Variants in CFAP299 observed in about 807,000 individuals in gnomAD.
CFAP299 encodes cilia- and flagella-associated protein 299.
A neutral mutation model predicts 27.0 loss-of-function variants in CFAP299; 21 were observed. That is an observed-to-expected ratio of 0.78 (90% CI 0.55 to 1.12). The LOEUF (loss-of-function observed/expected upper bound fraction) is 1.12, where lower values mean the gene tolerates loss of function less well. Among genes scored for constraint, CFAP299 ranks in the 50% most tolerant of loss-of-function variants. The probability of loss-of-function intolerance (pLI) is 0.00; values close to 1 mark genes in which losing one functional copy is unlikely to be tolerated. For missense variants in CFAP299, 310 were observed against 276.6 expected (o/e 1.12, Z -0.86); for synonymous variants, 104 against 98.1 (o/e 1.06, Z -0.36).
At position 80,568,417 on chromosome 4, in the gene CFAP299, A is replaced by G. The variant is rs1735418319; in HGVS notation, c.243-14676A>G. On this transcript the variant is annotated intron_variant, in intron 2 of 5. Transcript: ENST00000358105. ...ATTAATCCTAGAAAAATCGCAACCA[A>G]AGTTTTGTAAATTTAATCAATTTTC... is the stretch of plus-strand genomic sequence containing the variant. Among the ~76,000 whole-genome samples the G allele has an allele frequency of 2.0e-5, 3 of 152,058 alleles. No individual in the cohort carries two copies. The South Asian group carries it at 6.2e-4, about 31-fold the overall frequency.
intron 2 of CFAP299, among the ~76,000 whole-genome samples, chr4:80,548,551 TA>T (rs1425241081): frequency 7.9e-5 from 12 of 152,272 alleles, no homozygotes; most frequent in Admixed American, 7.2e-4. Flanking sequence ...GAACCCATTA[TA>T]AAACATGAGA....
intron 2 of CFAP299, among the ~76,000 whole-genome samples, chr4:80,405,572 AAG>A (rs1222168975): frequency 6.6e-6 from 1 of 152,104 alleles, no homozygotes; most frequent in Non-Finnish European, 1.5e-5. Context: ...AAATAAGGAA[AAG>A]AGCAAAAACA....
intron 5 of CFAP299, among the ~76,000 whole-genome samples, chr4:80,952,302 A>T (rs985162158): frequency 5.3e-5 from 8 of 152,202 alleles, no homozygotes; most frequent in Admixed American, 5.2e-4. Flanking sequence ...TTCTTAAAAA[A>T]AATTGAGGTT....
intron 3 of CFAP299, among the ~76,000 whole-genome samples, chr4:80,637,887 A>G (rs2109955157): frequency 6.6e-6 from 1 of 152,350 alleles, no homozygotes; most frequent in East Asian, 1.9e-4. Flanking sequence ...TAAAGTCAGT[A>G]CAATCTCTGT....
intron 5 of CFAP299, among the ~76,000 whole-genome samples, chr4:80,956,237 G>A (rs1420677877): frequency 6.6e-6 from 1 of 152,070 alleles, no homozygotes; most frequent in Non-Finnish European, 1.5e-5. Flanking sequence ...AAATTGCTTT[G>A]CAGTTAGACC....
chr4:80,408,861 G>GT (rs1726566394), intron 2 of CFAP299, among the ~76,000 whole-genome samples: 1 of 150,940 alleles, frequency 6.6e-6, no homozygotes, highest in Non-Finnish European at 1.5e-5. Flanking sequence ...TCATTGTAAC[G>GT]TTTTTATTTT....
At chr4:80,663,148 A>T (rs896941033) in intron 3 of CFAP299, among the ~76,000 whole-genome samples, 70 of 151,854 alleles carry the variant, frequency 4.6e-4, no homozygotes, top group African/African-American at 1.6e-3. Context: ...TTATTTCTTA[A>T]TTATAATTTA....
chr4:80,445,461 G>A (rs940212487), intron 2 of CFAP299, among the ~76,000 whole-genome samples: 2 of 152,138 alleles, frequency 1.3e-5, no homozygotes, highest in Non-Finnish European at 2.9e-5. Context: ...ACTTATAAGT[G>A]GGAGTTGAAC....
intron 3 of CFAP299, chr4:80,648,974 GAGAT>G (rs1740160338): frequency 6.6e-6 from 1 of 152,146 alleles, no homozygotes; most frequent in Admixed American, 6.6e-5. Context: ...TGACACCAAG[GAGAT>G]AGATGGATGG....
chr4:80,692,126 A>G (rs1444688537), intron 3 of CFAP299, among the ~76,000 whole-genome samples: 1 of 152,200 alleles, frequency 6.6e-6, no homozygotes. Flanking sequence ...TGCCCAAGAT[A>G]ATTTACAGAT....
chr4:80,489,493 C>A (rs1185705321), intron 2 of CFAP299, among the ~76,000 whole-genome samples: 1 of 152,110 alleles, frequency 6.6e-6, no homozygotes, highest in African/African-American at 2.4e-5. Flanking sequence ...ACAACAAATG[C>A]AAATTTAGAA....
intron 2 of CFAP299, among the ~76,000 whole-genome samples, chr4:80,403,208 A>T (rs1348938705): frequency 6.6e-6 from 1 of 152,186 alleles, no homozygotes; most frequent in Admixed American, 6.5e-5. Flanking sequence ...TTTCTCTGTG[A>T]TTTCAAAATG....
chr4:80,607,870 A>C (rs1363994789), intron 3 of CFAP299, among the ~76,000 whole-genome samples: 1 of 152,170 alleles, frequency 6.6e-6, no homozygotes, highest in African/African-American at 2.4e-5. Flanking sequence ...TGGGAATAGA[A>C]ATGTAATTAT....
At chr4:80,438,233 A>G (rs1052501671) in intron 2 of CFAP299, among the ~76,000 whole-genome samples, 1 of 152,192 alleles carries the variant, frequency 6.6e-6, no homozygotes, top group Non-Finnish European at 1.5e-5. Context: ...ACATTTGAAT[A>G]AAAACGTGAA....
At position 80,802,969 on chromosome 4, in the gene CFAP299, C is replaced by T. The variant is rs181083042; in HGVS notation, c.334-67024C>T. 3.9e-3 allele frequency among the ~76,000 whole-genome samples: 595 copies of T among 152,034 alleles called. 1 individual carries two copies. Among genetic ancestry groups the T allele is most frequent in the African/African-American group, 0.013 (556 of 41,492 alleles). On this transcript the variant is annotated intron_variant, in intron 3 of 5. Transcript: ENST00000358105. The stretch of plus-strand genomic sequence containing the variant: ...AAGTCAGGGAAGCTCATATAAATGA[C>T]GTACTTTCAAAAGTAGGGTTAAACA...
At chr4:80,906,201 A>G (rs1033002316) in intron 4 of CFAP299, among the ~76,000 whole-genome samples, 4 of 152,226 alleles carry the variant, frequency 2.6e-5, no homozygotes, top group African/African-American at 7.2e-5. Flanking sequence ...CCAATAGGGC[A>G]GTCATTAAAA....
At chr4:80,563,586 T>C (rs1483819075) in intron 2 of CFAP299, among the ~76,000 whole-genome samples, 1 of 150,992 alleles carries the variant, frequency 6.6e-6, no homozygotes, top group Admixed American at 6.6e-5. Flanking sequence ...AGTGCCTACA[T>C]AACAAAAGAG....
intron 3 of CFAP299, among the ~76,000 whole-genome samples, chr4:80,838,521 C>T (rs1256582634): frequency 6.6e-6 from 1 of 152,088 alleles, no homozygotes; most frequent in Non-Finnish European, 1.5e-5. Context: ...ATAGGGACTC[C>T]TTTCCCCCAT....
At chr4:80,769,132 T>A (rs950733129) in intron 3 of CFAP299, among the ~76,000 whole-genome samples, 3 of 152,156 alleles carry the variant, frequency 2.0e-5, no homozygotes, top group Non-Finnish European at 4.4e-5. Context: ...AAATAAGGGC[T>A]TTATACTTTT....
Sources: gnomAD v4.1 joint callset for allele counts (sites outside exome capture counted in the v4.1 genomes callset) on GRCh38, gnomAD v4.1.1 for gene constraint, MANE v1.5 for transcripts, NCBI Gene and HGNC (gene_info 2026-07-23, HGNC 2026-07-21) for gene names.